APBB1IP: variants seen among roughly 807,000 people sequenced by gnomAD.
APBB1IP encodes the protein amyloid beta A4 precursor protein-binding family B member 1-interacting protein.
APBB1IP carries 27 observed loss-of-function variants against 64.9 expected under a neutral mutation model. That is an observed-to-expected ratio of 0.42 (90% CI 0.31 to 0.57). The LOEUF (loss-of-function observed/expected upper bound fraction) is 0.57, where lower values mean the gene tolerates loss of function less well. APBB1IP is among the 20% of genes least tolerant of loss of function. The pLI, the probability that APBB1IP is intolerant of heterozygous loss-of-function variation, is 0.20. For synonymous variants in APBB1IP, 392 were observed against 331.0 expected, an observed-to-expected ratio of 1.18 and a Z score of -2.00; for missense variants, 812 against 845.5, an observed-to-expected ratio of 0.96 and a Z score of 0.49.
At chr10:26,539,971 C>T (rs996830734) in intron 10 of APBB1IP, among the ~76,000 whole-genome samples, 69 of 152,044 alleles carry the variant, frequency 4.5e-4, no homozygotes, top group Admixed American at 2.7e-3. Context: ...GACACTCACG[C>T]CTGGGAGCTT....
At chr10:26,479,971 C>G (rs1835816571) in intron 2 of APBB1IP, among the ~76,000 whole-genome samples, 1 of 152,164 alleles carries the variant, frequency 6.6e-6, no homozygotes, top group Non-Finnish European at 1.5e-5. Context: ...AACATGGCAC[C>G]CTGTGGCATC....
intron 2 of APBB1IP, among the ~76,000 whole-genome samples, chr10:26,491,759 G>T (rs1198753278): frequency 7.7e-5 from 9 of 116,566 alleles, no homozygotes; most frequent in East Asian, 4.9e-4. Context: ...TTTGTGTAAG[G>T]TTTTTTTTTT....
intron 3 of APBB1IP, among the ~76,000 whole-genome samples, chr10:26,495,164 C>T (rs1352421000): frequency 6.6e-6 from 1 of 151,574 alleles, no homozygotes; most frequent in East Asian, 2.0e-4. Context: ...TGCACCACCA[C>T]ACCCAGCTAA....
chr10:26,460,264 GT>G (rs1035825810), intron 2 of APBB1IP, among the ~76,000 whole-genome samples: 28 of 152,182 alleles, frequency 1.8e-4, no homozygotes, highest in African/African-American at 6.3e-4. Context: ...ATACACTGTA[GT>G]TTGCATCTTC....
At chr10:26,565,584 T>G (rs1323254088) in intron 14 of APBB1IP, among the ~76,000 whole-genome samples, 2 of 152,172 alleles carry the variant, frequency 1.3e-5, no homozygotes, top group Non-Finnish European at 2.9e-5. Flanking sequence ...GATCTTCCAT[T>G]TATAGGAGAC....
At chr10:26,491,746 ATTTTTGTGTAAGGTTTT>A (rs1835957030) in intron 2 of APBB1IP, among the ~76,000 whole-genome samples, 2 of 137,454 alleles carry the variant, frequency 1.5e-5, no homozygotes, top group Non-Finnish European at 3.1e-5. Flanking sequence ...TCCTCACATC[ATTTTTGTGTAAGGTTTT>A]TTTTTTTTTT....
chr10:26,498,139 ACTT>A (rs1836051056), intron 4 of APBB1IP, among the ~76,000 whole-genome samples: 6 of 151,912 alleles, frequency 3.9e-5, no homozygotes, highest in Non-Finnish European at 8.8e-5. Flanking sequence ...TTTTTCCTAC[ACTT>A]TTTTTATTTG....
At chr10:26,445,140 G>GAAA (rs1191251955) in intron 2 of APBB1IP, among the ~76,000 whole-genome samples, 1 of 42,108 alleles carries the variant, frequency 2.4e-5, no homozygotes, top group South Asian at 6.7e-4. Flanking sequence ...AAGAAAGAAA[G>GAAA]AAAGAAAGAA....
At chr10:26,542,770 T>C (rs539512794) in intron 11 of APBB1IP, among the ~76,000 whole-genome samples, 1 of 151,896 alleles carries the variant, frequency 6.6e-6, no homozygotes, top group East Asian at 1.9e-4. Context: ...CCTAGCCTTT[T>C]TTTTTTAATT....
intron 2 of APBB1IP, among the ~76,000 whole-genome samples, chr10:26,490,313 T>C (rs1835939132): frequency 6.6e-6 from 1 of 152,164 alleles, no homozygotes; most frequent in Non-Finnish European, 1.5e-5. Context: ...ATAATAGTAT[T>C]ATGTTTATGA....
At chr10:26,527,555 A>G (rs1189158841) in intron 8 of APBB1IP, among the ~76,000 whole-genome samples, 1 of 150,980 alleles carries the variant, frequency 6.6e-6, no homozygotes, top group East Asian at 1.9e-4. Flanking sequence ...AAAAAAAAAA[A>G]AAAGAAAAAA....
intron 2 of APBB1IP, among the ~76,000 whole-genome samples, chr10:26,482,788 T>C (rs1835850303): frequency 6.6e-6 from 1 of 151,978 alleles, no homozygotes; most frequent in Non-Finnish European, 1.5e-5. Flanking sequence ...AATCTAGTAA[T>C]AAACTCAAAA....
At chr10:26,512,668 G>A (rs532228237) in intron 7 of APBB1IP, among the ~76,000 whole-genome samples, 3 of 152,116 alleles carry the variant, frequency 2.0e-5, no homozygotes, top group South Asian at 2.1e-4. Flanking sequence ...GTGCAATGGC[G>A]CAATCACGGG....
intron 2 of APBB1IP, among the ~76,000 whole-genome samples, chr10:26,476,989 C>T (rs541427477): frequency 2.6e-4 from 40 of 152,068 alleles, no homozygotes; most frequent in East Asian, 1.2e-3. Context: ...TTAGTAGAGG[C>T]GGGGTTTCAC....
chr10:26,560,699 C>A, intron 12 of APBB1IP, 31 bp from the exon 13 acceptor site: 2 of 1,504,618 alleles, frequency 1.3e-6, no homozygotes, highest in South Asian at 1.3e-5. Flanking sequence ...ACATGGATTC[C>A]TTTCCTTCTT....
chr10:26,520,912 T>G (rs1312013526), intron 8 of APBB1IP, among the ~76,000 whole-genome samples: 3 of 152,220 alleles, frequency 2.0e-5, no homozygotes, highest in Admixed American at 1.3e-4. Flanking sequence ...AGTAAAGTTC[T>G]GTATAATAGA....
At chr10:26,502,949 G>A (rs117439316) in intron 5 of APBB1IP, among the ~76,000 whole-genome samples, 3 of 152,234 alleles carry the variant, frequency 2.0e-5, no homozygotes, top group Non-Finnish European at 4.4e-5. Flanking sequence ...TTGAGTTGAA[G>A]AATTTTGTTA....
intron 10 of APBB1IP, among the ~76,000 whole-genome samples, chr10:26,536,593 CTT>C (rs58921295): frequency 7.0e-6 from 1 of 143,432 alleles, no homozygotes; most frequent in Non-Finnish European, 1.5e-5. Context: ...GATTTTCTTT[CTT>C]TTTTTTTTTT....
At position 26,503,388 on chromosome 10, in the gene APBB1IP, C is replaced by G. The variant is rs1385859494; in HGVS notation, c.531+114C>G. 4.2e-6 allele frequency: 4 copies of G among 949,146 alleles called. No homozygotes were observed. In the East Asian group the frequency reaches 8.6e-5, roughly 20 times the overall value. The allele number at this position is 949,146 out of a possible 1,614,324, so 58.8% of individuals were successfully genotyped here. ...CGGTGGCTCACACCTGTAATCCCAG[C>G]ACTTTGGGAGGACAAGGTGGGTGGA... On this transcript the variant is annotated intron_variant, in intron 6 of 14. Transcript: ENST00000376236.
Sources: allele counts gnomAD v4.1 joint callset (sites outside exome capture counted in the v4.1 genomes callset), GRCh38; gene constraint gnomAD v4.1.1; transcripts MANE v1.5; gene names NCBI Gene and HGNC (gene_info 2026-07-23, HGNC 2026-07-21).